Variants in ESRRB observed in about 807,000 individuals in gnomAD.
ESRRB encodes steroid hormone receptor ERR2.
A neutral mutation model predicts 46.0 loss-of-function variants in ESRRB; 16 were observed. The ratio of observed to expected loss-of-function variants is 0.35; its 90% CI spans 0.24 to 0.53. The LOEUF is 0.53. Ranked by LOEUF, ESRRB falls within the 20% of genes least tolerant of loss-of-function variation. The pLI, the probability that ESRRB is intolerant of heterozygous loss-of-function variation, is 0.93. For missense variants in ESRRB, 488 were observed against 607.4 expected (o/e 0.80, Z 2.07); for synonymous variants, 246 against 259.6 (o/e 0.95, Z 0.50).
chr14:76,333,116 A>AG (rs1884068643), intron 1 of ESRRB, among the ~76,000 whole-genome samples: 1 of 13,500 alleles, frequency 7.4e-5, no homozygotes. Context: ...TATATAATAT[A>AG]TAATATATAT....
At chr14:76,369,566 G>T (rs758524463), upstream of ESRRB, among the ~76,000 whole-genome samples, 1 of 152,084 alleles carries the variant, frequency 6.6e-6, no homozygotes, top group South Asian at 2.1e-4. Flanking sequence ...GAGCCACCAC[G>T]CCCGGCCTCG....
chr14:76,444,666 G>C (rs1263328856), intron 2 of ESRRB, among the ~76,000 whole-genome samples: 1 of 152,162 alleles, frequency 6.6e-6, no homozygotes, highest in South Asian at 2.1e-4. Context: ...GGATTAGAGG[G>C]AGGAGCCACT....
At chr14:76,434,520 C>G (rs1003807839) in intron 1 of ESRRB, among the ~76,000 whole-genome samples, 1 of 151,800 alleles carries the variant, frequency 6.6e-6, no homozygotes, top group East Asian at 1.9e-4. Flanking sequence ...ATTAGCCAGG[C>G]GTGGAGTCAC....
chr14:76,463,014 T>A (rs1326251104), intron 3 of ESRRB, among the ~76,000 whole-genome samples: 1 of 152,112 alleles, frequency 6.6e-6, no homozygotes, highest in Non-Finnish European at 1.5e-5. Context: ...CTCAAGGGCT[T>A]GGGGGTGAAA....
intron 6 of ESRRB, among the ~76,000 whole-genome samples, chr14:76,496,941 T>G (rs1890454410): frequency 6.6e-6 from 1 of 152,238 alleles, no homozygotes; most frequent in African/African-American, 2.4e-5. Context: ...TAACAGTTTA[T>G]CAATGCCATC....
At chr14:76,420,679 G>A (rs1886917918) in intron 1 of ESRRB, among the ~76,000 whole-genome samples, 1 of 151,312 alleles carries the variant, frequency 6.6e-6, no homozygotes, top group South Asian at 2.1e-4. Context: ...TTGGCACTTT[G>A]GCCAAATGGC....
At chr14:76,336,129 C>T (rs1162327906) in intron 1 of ESRRB, among the ~76,000 whole-genome samples, 2 of 152,146 alleles carry the variant, frequency 1.3e-5, no homozygotes, top group African/African-American at 4.8e-5. Flanking sequence ...CAGAAAGATC[C>T]CTTTTCACCC....
At chr14:76,343,651 C>T (rs1332135326) in intron 1 of ESRRB, among the ~76,000 whole-genome samples, 2 of 152,200 alleles carry the variant, frequency 1.3e-5, no homozygotes, top group African/African-American at 2.4e-5. Flanking sequence ...GGCCCCTCCA[C>T]GGGGCTGCTT....
chr14:76,332,623 A>C (rs182412983), intron 1 of ESRRB, among the ~76,000 whole-genome samples: 2 of 37,970 alleles, frequency 5.3e-5, no homozygotes, highest in Non-Finnish European at 8.4e-5. Context: ...TATTATATAA[A>C]TATATATTAT....
At chr14:76,322,976 G>A (rs763829294) in intron 1 of ESRRB, among the ~76,000 whole-genome samples, 1 of 152,164 alleles carries the variant, frequency 6.6e-6, no homozygotes, top group Non-Finnish European at 1.5e-5. Flanking sequence ...GTGGACACAG[G>A]TTCATCAGGT....
chr14:76,332,789 TAAA>T (rs1566853409), intron 1 of ESRRB, among the ~76,000 whole-genome samples: 25 of 10,560 alleles, frequency 2.4e-3, no homozygotes, highest in Admixed American at 9.8e-3. Flanking sequence ...ATATTATATA[TAAA>T]TATATAATAT....
At chr14:76,453,326 C>T (rs539272645) in intron 2 of ESRRB, among the ~76,000 whole-genome samples, 9 of 152,272 alleles carry the variant, frequency 5.9e-5, no homozygotes, top group African/African-American at 9.6e-5. Context: ...AGGTGACAGC[C>T]GTTCCCTGGT....
At chr14:76,447,157 T>G (rs1178087861) in intron 2 of ESRRB, among the ~76,000 whole-genome samples, 1 of 152,166 alleles carries the variant, frequency 6.6e-6, no homozygotes, top group East Asian at 1.9e-4. Flanking sequence ...CTTCTCTGGC[T>G]TTGAATCCTA....
At chr14:76,483,907 G>A (rs367601713) in intron 5 of ESRRB, among the ~76,000 whole-genome samples, 6 of 152,186 alleles carry the variant, frequency 3.9e-5, no homozygotes, top group African/African-American at 1.4e-4. Flanking sequence ...AGGCTGGAGT[G>A]TAATGGCGCG....
At position 76,342,146 on chromosome 14, in the gene ESRRB, C is replaced by T. The variant is rs117024902; in HGVS notation, c.2+31230C>T. Among the ~76,000 whole-genome samples the T allele has an allele frequency of 6.6e-4, 101 of 152,292 alleles. 1 individual carries two copies. The highest frequency in any genetic ancestry group is 9.1e-4 in the African/African-American group (38 of 41,576). The stretch of plus-strand genomic sequence containing the variant: ...AGACATCAGAGCGTATTTGGGGCAA[C>T]GGGGCTAACACACAGGCCCTATTAG... On this transcript the variant is annotated intron_variant, in intron 1 of 6. Transcript: ENST00000512784.
At chr14:76,484,146 AT>A (rs1889914170) in intron 5 of ESRRB, among the ~76,000 whole-genome samples, 1 of 152,172 alleles carries the variant, frequency 6.6e-6, no homozygotes, top group African/African-American at 2.4e-5. Flanking sequence ...AAGAGCCACC[AT>A]GTCTGGCCCA....
chr14:76,439,509 C>T lies in ESRRB; in HGVS notation c.219C>T (p.His73=), dbSNP rs529527792. The part of the protein sequence containing the change: ...SGGFGLALGT[H]ANGLDSPPMF... ...GCTTTGGCCTGGCCCTGGGCACCCA[C>T]GCCAACGGTCTGGACTCGCCACCCA... The change falls in exon 2 of 7, where the codon CAC becomes CAT. Residue 73 remains histidine (H), a synonymous_variant. Transcript: ENST00000644823. 1.9e-6 allele frequency: 3 copies of T among 1,613,088 alleles called. No homozygotes were observed. The highest frequency in any genetic ancestry group is 1.7e-5 in the Admixed American group (1 of 60,008).
At chr14:76,384,323 T>C (rs1885132184) in intron 1 of ESRRB, among the ~76,000 whole-genome samples, 1 of 152,174 alleles carries the variant, frequency 6.6e-6, no homozygotes. Flanking sequence ...AATCACAGCT[T>C]GTACCTTTTT....
chr14:76,345,913 CCA>C (rs1884244462), intron 1 of ESRRB, among the ~76,000 whole-genome samples: 1 of 152,160 alleles, frequency 6.6e-6, no homozygotes, highest in Admixed American at 6.5e-5. Flanking sequence ...TCACAAATTG[CCA>C]CACACCAGGT....
Sources: gnomAD v4.1 joint callset for allele counts (sites outside exome capture counted in the v4.1 genomes callset) on GRCh38, gnomAD v4.1.1 for gene constraint, MANE v1.5 for transcripts, NCBI Gene and HGNC (gene_info 2026-07-23, HGNC 2026-07-21) for gene names.